CLSTN2: variants seen among roughly 807,000 people sequenced by gnomAD.
CLSTN2 encodes calsyntenin-2.
CLSTN2 carries 48 observed loss-of-function variants against 101.2 expected under a neutral mutation model. That is an observed-to-expected ratio of 0.47 (90% CI 0.38 to 0.60). The LOEUF is 0.60. CLSTN2 is among the 20% of genes least tolerant of loss of function. The probability of loss-of-function intolerance (pLI) is 0.00; values close to 1 mark genes in which losing one functional copy is unlikely to be tolerated. For missense variants in CLSTN2, 1,160 were observed against 1,238.2 expected, an observed-to-expected ratio of 0.94 and a Z score of 0.95; for synonymous variants, 481 against 463.6, an observed-to-expected ratio of 1.04 and a Z score of -0.48.
At chr3:140,187,834 T>C (rs989663459) in intron 2 of CLSTN2, among the ~76,000 whole-genome samples, 1 of 152,270 alleles carries the variant, frequency 6.6e-6, no homozygotes. Context: ...CTGAGCCAAA[T>C]GCAACCCAAC....
chr3:140,231,847 T>C (rs961773252), intron 2 of CLSTN2, among the ~76,000 whole-genome samples: 4 of 152,190 alleles, frequency 2.6e-5, no homozygotes, highest in African/African-American at 9.6e-5. Context: ...ATTCAAGCTG[T>C]GTAGTGTAGT....
At chr3:140,091,935 T>C (rs1398914095) in intron 1 of CLSTN2, among the ~76,000 whole-genome samples, 4 of 152,198 alleles carry the variant, frequency 2.6e-5, no homozygotes, top group African/African-American at 7.2e-5. Flanking sequence ...CAGTACATAG[T>C]AGATGCTCAG....
intron 1 of CLSTN2, among the ~76,000 whole-genome samples, chr3:140,003,710 C>A (rs990710794): frequency 6.6e-6 from 1 of 151,974 alleles, no homozygotes; most frequent in Non-Finnish European, 1.5e-5. Context: ...TCCTCTATAC[C>A]AAGTTTTTTG....
At chr3:140,196,048 T>C (rs1402819187) in intron 2 of CLSTN2, among the ~76,000 whole-genome samples, 1 of 152,188 alleles carries the variant, frequency 6.6e-6, no homozygotes, top group African/African-American at 2.4e-5. Flanking sequence ...GCTCCCTAGT[T>C]GGGGCATCTT....
intron 1 of CLSTN2, among the ~76,000 whole-genome samples, chr3:139,988,845 A>T (rs954455052): frequency 6.6e-6 from 1 of 152,184 alleles, no homozygotes; most frequent in Non-Finnish European, 1.5e-5. Flanking sequence ...TTTTTATTTG[A>T]ACAAATTCCA....
intron 2 of CLSTN2, among the ~76,000 whole-genome samples, chr3:140,223,001 C>T (rs2086288829): frequency 6.6e-6 from 1 of 152,022 alleles, no homozygotes. Context: ...TATGGGGAAA[C>T]TGAAACCCAG....
intron 1 of CLSTN2, among the ~76,000 whole-genome samples, chr3:139,987,119 T>C (rs1250487153): frequency 6.6e-6 from 1 of 152,104 alleles, no homozygotes; most frequent in Non-Finnish European, 1.5e-5. Context: ...GAGTCAAGTA[T>C]TTTTTAATAA....
chr3:140,251,723 A>G (rs751772839), intron 2 of CLSTN2, among the ~76,000 whole-genome samples: 7 of 151,448 alleles, frequency 4.6e-5, no homozygotes, highest in Non-Finnish European at 5.9e-5. Flanking sequence ...TGCCAATGGT[A>G]CATTATGTAT....
chr3:139,936,896 T>G (rs2107804807), intron 1 of CLSTN2, among the ~76,000 whole-genome samples: 1 of 152,352 alleles, frequency 6.6e-6, no homozygotes, highest in Admixed American at 6.5e-5. Flanking sequence ...ACAGGCAGTT[T>G]CTATTTTTAG....
chr3:140,296,577 G>T (rs754660666), intron 2 of CLSTN2, among the ~76,000 whole-genome samples: 12 of 152,174 alleles, frequency 7.9e-5, no homozygotes, highest in Non-Finnish European at 1.6e-4. Flanking sequence ...TTTTAATTGG[G>T]ATGCTCATCA....
intron 1 of CLSTN2, among the ~76,000 whole-genome samples, chr3:140,095,678 T>C (rs938166164): frequency 9.9e-5 from 15 of 152,210 alleles, no homozygotes; most frequent in Non-Finnish European, 1.5e-4. Flanking sequence ...TGCATCCTGA[T>C]TATGAGTATT....
chr3:139,978,924 G>A (rs73224968), intron 1 of CLSTN2, among the ~76,000 whole-genome samples: 11,499 of 152,100 alleles, frequency 0.076, 508 homozygotes, highest in East Asian at 0.12. Flanking sequence ...CTATGTTTTG[G>A]CAACAAGCCC....
chr3:140,570,813 A>G lies in CLSTN2; in HGVS notation c.*4560A>G, dbSNP rs914151538. 4 of 152,240 alleles carry G rather than the reference A, an allele frequency of 2.6e-5. No individual in the cohort carries two copies. The highest frequency in any genetic ancestry group is 5.9e-5 in the Non-Finnish European group (4 of 68,036). 9.4% of individuals were successfully genotyped at this position (152,240 alleles called of 1,614,324 possible). ...CCAAGGCCAAAGTTTGGCAACCCGTACCATACACCATGGAAGTTAGCCTTC... is the reference window on the plus strand; with the variant it reads ...CCAAGGCCAAAGTTTGGCAACCCGTGCCATACACCATGGAAGTTAGCCTTC... On this transcript the variant is annotated 3_prime_UTR_variant, in exon 17 of 17. Transcript: ENST00000458420.
At chr3:140,494,075 T>C (rs1934402862) in intron 8 of CLSTN2, among the ~76,000 whole-genome samples, 1 of 152,218 alleles carries the variant, frequency 6.6e-6, no homozygotes, top group Non-Finnish European at 1.5e-5. Flanking sequence ...CAGATAACTT[T>C]TAATTTTATG....
intron 8 of CLSTN2, among the ~76,000 whole-genome samples, chr3:140,476,720 G>A (rs1398665653): frequency 7.4e-5 from 11 of 147,874 alleles, no homozygotes; most frequent in East Asian, 4.0e-4. Context: ...GTGCAGTGGC[G>A]TGATCTAGGC....
chr3:140,158,304 C>T (rs1008400106), intron 1 of CLSTN2, among the ~76,000 whole-genome samples: 16 of 152,098 alleles, frequency 1.1e-4, no homozygotes, highest in African/African-American at 3.9e-4. Context: ...CAGGAAAAAC[C>T]TAAAAACTCT....
chr3:140,258,645 C>G (rs1306170075), intron 2 of CLSTN2, among the ~76,000 whole-genome samples: 1 of 152,156 alleles, frequency 6.6e-6, no homozygotes, highest in Non-Finnish European at 1.5e-5. Context: ...CTATAACTTC[C>G]TTCTTATTAA....
rs112484457 is a variant in CLSTN2, at chr3:140,310,339, A to G, written c.233-93290A>G. On this transcript the variant is annotated intron_variant, in intron 2 of 16. Coordinates refer to ENST00000458420, the MANE Select transcript of CLSTN2 (RefSeq NM_022131.3). The stretch of plus-strand genomic sequence containing the variant: ...CACCCATCTCCCCAGCCTCTGTCGC[A>G]CCTCTACCCAGCACACTCCCTCTGG... Among the ~76,000 whole-genome samples, 784 of 144,988 alleles carry G rather than the reference A, an allele frequency of 5.4e-3. 3 individuals carry two copies. The highest frequency in any genetic ancestry group is 0.019 in the African/African-American group (725 of 38,502).
intron 2 of CLSTN2, among the ~76,000 whole-genome samples, chr3:140,182,290 A>G (rs1325110330): frequency 2.0e-5 from 3 of 152,148 alleles, no homozygotes; most frequent in Non-Finnish European, 4.4e-5. Flanking sequence ...TAGAGTTTTT[A>G]AAAACACCAA....
Sources: allele counts gnomAD v4.1 joint callset (sites outside exome capture counted in the v4.1 genomes callset), GRCh38; gene constraint gnomAD v4.1.1; transcripts MANE v1.5; gene names NCBI Gene and HGNC (gene_info 2026-07-23, HGNC 2026-07-21).